GALNT12: variants seen among roughly 807,000 people sequenced by gnomAD.
GALNT12 encodes UDP-GalNAc:polypeptide N-acetylgalactosaminyltransferase 12.
GALNT12 carries 45 observed loss-of-function variants against 55.5 expected under a neutral mutation model. That is an observed-to-expected ratio of 0.81 (90% CI 0.64 to 1.04). The LOEUF (loss-of-function observed/expected upper bound fraction) is 1.04. GALNT12 is among the 50% of genes least tolerant of loss of function. The pLI is 0.00. For missense variants in GALNT12, 709 were observed against 754.8 expected (o/e 0.94, Z 0.71); for synonymous variants, 304 against 312.2 (o/e 0.97, Z 0.28).
intron 6 of GALNT12, among the ~76,000 whole-genome samples, chr9:98,838,765 A>G (rs976377411): frequency 6.6e-6 from 1 of 152,216 alleles, no homozygotes; most frequent in African/African-American, 2.4e-5. Context: ...AAGGCTTCTC[A>G]TCAGGCCACT....
At chr9:98,817,452 TG>T (rs1835638041) in intron 1 of GALNT12, among the ~76,000 whole-genome samples, 1 of 152,152 alleles carries the variant, frequency 6.6e-6, no homozygotes, top group Admixed American at 6.5e-5. Flanking sequence ...TGTTTCTTTT[TG>T]TTTTTTTGTT....
chr9:98,828,910 ACCTCCG>A (rs901991204), intron 3 of GALNT12, among the ~76,000 whole-genome samples: 2 of 151,662 alleles, frequency 1.3e-5, no homozygotes, highest in Non-Finnish European at 2.9e-5. Context: ...GCTCACTGCA[ACCTCCG>A]CCTCCCAAGT....
At chr9:98,813,419 A>G (rs781193451) in intron 1 of GALNT12, among the ~76,000 whole-genome samples, 28 of 152,188 alleles carry the variant, frequency 1.8e-4, no homozygotes, top group Non-Finnish European at 3.7e-4. Context: ...TAATTATGTT[A>G]TCTAGATTAG....
At chr9:98,817,652 C>T (rs1029752308) in intron 1 of GALNT12, among the ~76,000 whole-genome samples, 16 of 151,960 alleles carry the variant, frequency 1.1e-4, no homozygotes, top group Admixed American at 7.9e-4. Flanking sequence ...TTAGTAGAGA[C>T]GGGGTTTCAC....
intron 1 of GALNT12, among the ~76,000 whole-genome samples, chr9:98,822,598 A>G (rs953517310): frequency 3.3e-5 from 5 of 152,054 alleles, no homozygotes; most frequent in Non-Finnish European, 7.4e-5. Context: ...TCCTTCCTGG[A>G]GTGTCTGTAG....
At chr9:98,823,642 C>T (rs375968628) in intron 2 of GALNT12, among the ~76,000 whole-genome samples, 1 of 152,176 alleles carries the variant, frequency 6.6e-6, no homozygotes, top group Admixed American at 6.5e-5. Flanking sequence ...TGGGACTGTT[C>T]ATTTCATTGG....
chr9:98,825,045 T>C lies in GALNT12; in HGVS notation c.541+1620T>C, dbSNP rs142233577. Among the ~76,000 whole-genome samples, 799 of 152,308 alleles carry C rather than the reference T, an allele frequency of 5.2e-3. 6 individuals carry two copies. Among genetic ancestry groups the C allele is most frequent in the African/African-American group, 0.018 (750 of 41,564 alleles). The stretch of plus-strand genomic sequence containing the variant: ...TTCAGCCTCTATAAAATGGGAATAA[T>C]GATAGCTTCTACCTTGTAGGATCAT... On this transcript the variant is annotated intron_variant, in intron 2 of 9. Coordinates refer to ENST00000375011, the MANE Select transcript of GALNT12 (RefSeq NM_024642.5).
chr9:98,809,464 G>A (rs1402200551), intron 1 of GALNT12, among the ~76,000 whole-genome samples: 2 of 152,224 alleles, frequency 1.3e-5, no homozygotes, highest in African/African-American at 2.4e-5. Flanking sequence ...ATTAAATCCA[G>A]CCCAGGGGAG....
At chr9:98,819,954 T>G (rs577703154) in intron 1 of GALNT12, among the ~76,000 whole-genome samples, 7 of 152,328 alleles carry the variant, frequency 4.6e-5, no homozygotes, top group Admixed American at 4.6e-4. Context: ...TAGGAAGTGG[T>G]TTTGAAGGTA....
chr9:98,831,574 C>CTTTAAAAG (rs1835993834), intron 3 of GALNT12, among the ~76,000 whole-genome samples, 198 bp from the exon 4 acceptor site: 1 of 152,208 alleles, frequency 6.6e-6, no homozygotes, highest in African/African-American at 2.4e-5. Context: ...CCTCCGTGGC[C>CTTTAAAAG]CCCAGATCTC....
intron 6 of GALNT12, 40 bp downstream of exon 6, chr9:98,837,188 C>T: frequency 1.2e-6 from 2 of 1,602,100 alleles, no homozygotes; most frequent in Non-Finnish European, 1.7e-6. Flanking sequence ...CTGGCTTCAT[C>T]TGAACAACAG....
chr9:98,817,857 A>G (rs1835649149), intron 1 of GALNT12, among the ~76,000 whole-genome samples: 1 of 152,216 alleles, frequency 6.6e-6, no homozygotes, highest in South Asian at 2.1e-4. Flanking sequence ...TATAGATCAG[A>G]ATAGACTTGG....
intron 8 of GALNT12, 129 bp from the exon 9 acceptor site, chr9:98,845,848 C>T (rs1836397651): frequency 6.7e-6 from 6 of 900,864 alleles, no homozygotes; most frequent in Middle Eastern, 2.1e-4. Flanking sequence ...CACACAGGCT[C>T]GTGTTGGTGG....
chr9:98,845,932 A>G (rs372728638), intron 8 of GALNT12, 45 bp from the exon 9 acceptor site: 2 of 1,606,646 alleles, frequency 1.2e-6, no homozygotes, highest in African/African-American at 1.3e-5. Flanking sequence ...CTCTTCCCAC[A>G]TCAGTGGAAA....
At position 98,848,988 on chromosome 9, in the gene GALNT12, G is replaced by A. The variant is rs746864260; in HGVS notation, c.1642G>A (p.Val548Ile). Residue 548 changes from valine to isoleucine, a missense_variant, in exon 10 of 10, where the codon GTC becomes ATC. By Grantham distance (29) the Val-to-Ile change is conservative. Transcript: ENST00000375011. ...SLFHEQSKKC[V>I]QAARKESSDS... ...ATTTCACGAACAGTCCAAGAAATGT[G>A]TCCAGGCTGCGAGGAAGGAGTCGAG... The A allele has an allele frequency of 4.3e-6, 7 of 1,614,176 alleles. No individual in the cohort carries two copies. The South Asian group carries it at 6.6e-5, about 15-fold the overall frequency.
At chr9:98,813,286 C>G (rs1161040108) in intron 1 of GALNT12, among the ~76,000 whole-genome samples, 1 of 152,210 alleles carries the variant, frequency 6.6e-6, no homozygotes, top group African/African-American at 2.4e-5. Flanking sequence ...CTGGTTTGCA[C>G]CATTGCTATG....
At position 98,839,992 on chromosome 9, in the gene GALNT12, G is replaced by T. The variant is rs768905490; in HGVS notation, c.1213-10G>T. 3.1e-6 allele frequency: 5 copies of T among 1,613,920 alleles called. No homozygotes were observed. The Admixed American group carries it at 8.3e-5, about 27-fold the overall frequency. ...ACCCATGGGGTCTCACTGTTTTGTT[G>T]TTTTCTCAGGAACCTTTTGGGGATG... On this transcript the variant is annotated splice_polypyrimidine_tract_variant and intron_variant, in intron 6 of 9. Transcript: ENST00000375011.
intron 6 of GALNT12, among the ~76,000 whole-genome samples, chr9:98,838,996 T>C (rs761102173): frequency 1.8e-4 from 27 of 152,156 alleles, no homozygotes; most frequent in Non-Finnish European, 2.9e-4. Context: ...GGACTCCCAC[T>C]CAGCCCCTCT....
intron 9 of GALNT12, 45 bp from the exon 10 acceptor site, chr9:98,848,907 G>T (rs966010059): frequency 1.9e-6 from 3 of 1,612,800 alleles, no homozygotes; most frequent in Admixed American, 3.3e-5. Flanking sequence ...TTAGGAAAAA[G>T]AGACTTTTCT....
Sources: gnomAD v4.1 joint callset for allele counts (sites outside exome capture counted in the v4.1 genomes callset) on GRCh38, gnomAD v4.1.1 for gene constraint, MANE v1.5 for transcripts, NCBI Gene and HGNC (gene_info 2026-07-23, HGNC 2026-07-21) for gene names.